RUFY3: variants seen among roughly 807,000 people sequenced by gnomAD.
The protein encoded by RUFY3 is RUN and FYVE domain containing 3.
RUFY3 carries 34 observed loss-of-function variants against 84.0 expected under a neutral mutation model. That is an observed-to-expected ratio of 0.40 (90% CI 0.31 to 0.54). The LOEUF (loss-of-function observed/expected upper bound fraction) is 0.54. RUFY3 is among the 20% of genes least tolerant of loss of function. RUFY3 has a pLI of 0.39. For synonymous variants in RUFY3, 242 were observed against 252.9 expected, an observed-to-expected ratio of 0.96 and a Z score of 0.41; for missense variants, 507 against 736.8, an observed-to-expected ratio of 0.69 and a Z score of 3.61.
chr4:70,721,959 A>G (rs1045017798), upstream of RUFY3: 14 of 1,232,110 alleles, frequency 1.1e-5, no homozygotes, highest in Non-Finnish European at 1.4e-5. Context: ...CTGAATTTTC[A>G]GTTCAGTTCA....
rs371428495 is a variant in RUFY3, at chr4:70,804,402, G to C, written c.1705G>C (p.Gly569Arg). The C allele has an allele frequency of 6.2e-7, 1 of 1,613,702 alleles. No individual in the cohort carries two copies. Among genetic ancestry groups the C allele is most frequent in the Non-Finnish European group, 8.5e-7 (1 of 1,179,890 alleles). ...GTTGTGTCAGCTATGCCAGGAAGAC[G>C]GCAGCCTAACAAAGGTAACTGTGAT... ...PQLCQLCQEDGSLTKNVCKNC... is the reference protein window; with the variant it reads ...PQLCQLCQEDRSLTKNVCKNC... The change falls in exon 17 of 18, where the codon GGC becomes CGC. Residue 569 changes from glycine to arginine, a missense_variant. Gly to Arg is a moderately radical substitution (Grantham distance 125). This residue lies in a region of RUFY3 where 334 missense variants were observed against 364.1 expected (regional missense o/e 0.92). Coordinates refer to ENST00000381006, the MANE Select transcript of RUFY3 (RefSeq NM_001037442.4).
chr4:70,712,776 G>T (rs1741128352), intron 1 of RUFY3, among the ~76,000 whole-genome samples: 1 of 152,162 alleles, frequency 6.6e-6, no homozygotes, highest in Non-Finnish European at 1.5e-5. Context: ...AAAATGGGCT[G>T]CCCCTTTATC....
chr4:70,753,103 A>G (rs879268762), intron 1 of RUFY3, among the ~76,000 whole-genome samples: 1 of 151,920 alleles, frequency 6.6e-6, no homozygotes, highest in South Asian at 2.1e-4. Context: ...CAGATTTCCT[A>G]TTTCTTCTTA....
rs116253133 is a variant in RUFY3, at chr4:70,788,608, T to A, written c.1072-198T>A. On this transcript the variant is annotated intron_variant, in intron 10 of 17. Transcript: ENST00000381006. ...TCAGATTTGTACATTATTGGGCAAA[T>A]GTTATTGTATATCCTAATTATTATT... 7.4e-3 allele frequency among the ~76,000 whole-genome samples: 1,134 copies of A among 152,318 alleles called. 15 individuals carry two copies. The highest frequency in any genetic ancestry group is 0.026 in the African/African-American group (1,076 of 41,570).
upstream of RUFY3, among the ~76,000 whole-genome samples, chr4:70,720,488 G>A (rs959947872): frequency 2.6e-5 from 4 of 152,216 alleles, no homozygotes; most frequent in South Asian, 2.1e-4. Context: ...CCAGCCATCC[G>A]CCCTGTCTTC....
chr4:70,759,147 AT>A (rs1408928923), intron 1 of RUFY3, among the ~76,000 whole-genome samples: 1 of 151,990 alleles, frequency 6.6e-6, no homozygotes, highest in African/African-American at 2.4e-5. Flanking sequence ...ACCTCTCCCT[AT>A]CTTCCCCTCC....
chr4:70,717,303 CAG>C (rs1741734905), upstream of RUFY3, among the ~76,000 whole-genome samples: 1 of 152,086 alleles, frequency 6.6e-6, no homozygotes, highest in South Asian at 2.1e-4. Context: ...GGAGGGAACT[CAG>C]AGACAGAGTG....
At chr4:70,784,094 T>G (rs1325746416) in intron 9 of RUFY3, among the ~76,000 whole-genome samples, 1 of 152,242 alleles carries the variant, frequency 6.6e-6, no homozygotes, top group African/African-American at 2.4e-5. Flanking sequence ...AGAATAATTT[T>G]TTTATGACCT....
At position 70,789,091 on chromosome 4, in the gene RUFY3, T is replaced by C. The variant is rs1730385258; in HGVS notation, c.1239+118T>C. The stretch of plus-strand genomic sequence containing the variant: ...CAAGAGGAAAGAATCACATCTCATT[T>C]TGATGCTAGCTGCCAGTAAACTACT... On this transcript the variant is annotated intron_variant, in intron 11 of 17. Coordinates refer to ENST00000381006, the MANE Select transcript of RUFY3 (RefSeq NM_001037442.4). The C allele has an allele frequency of 3.5e-6, 5 of 1,447,408 alleles. No individual in the cohort carries two copies. In the South Asian group the frequency reaches 7.4e-5, roughly 21 times the overall value. The allele number at this position is 1,447,408 out of a possible 1,614,324, so 89.7% of individuals were successfully genotyped here.
intron 1 of RUFY3, among the ~76,000 whole-genome samples, chr4:70,711,577 G>A (rs61184934): frequency 0.085 from 12,923 of 152,236 alleles, 1,294 homozygotes; most frequent in East Asian, 0.22. Context: ...TAAGAAGGCA[G>A]AGAGCCATTT....
intron 4 of RUFY3, among the ~76,000 whole-genome samples, chr4:70,767,764 C>T (rs1043403964): frequency 4.6e-5 from 7 of 152,026 alleles, no homozygotes; most frequent in South Asian, 2.1e-4. Context: ...CTGCAACCTC[C>T]GCCTCCTGTG....
In RUFY3 at chr4:70,722,247, A is replaced by G; in HGVS notation, c.-327A>G. 1 of 1,232,444 alleles carries G rather than the reference A, an allele frequency of 8.1e-7. No individual in the cohort carries two copies. The highest frequency in any genetic ancestry group is 1.0e-6 in the Non-Finnish European group (1 of 988,906). The allele number at this position is 1,232,444 out of a possible 1,614,324, so 76.3% of individuals were successfully genotyped here. ...CAGCTGTGCGGGATTTAAAGCCTAT[A>G]GCTCAGCTGAAAAAAAAGGTGGGGG... On this transcript the variant is annotated 5_prime_UTR_variant, in exon 1 of 18. It adds an upstream start codon to the 5' untranslated region. Coordinates refer to ENST00000381006, the MANE Select transcript of RUFY3 (RefSeq NM_001037442.4).
chr4:70,709,048 A>G (rs1322887195), intron 1 of RUFY3, among the ~76,000 whole-genome samples: 2 of 152,174 alleles, frequency 1.3e-5, no homozygotes, highest in Non-Finnish European at 2.9e-5. Context: ...ATAGAGCGAG[A>G]TGCTGTTTCA....
chr4:70,805,710 T>C (rs1732765011), intron 17 of RUFY3, among the ~76,000 whole-genome samples: 1 of 152,218 alleles, frequency 6.6e-6, no homozygotes, highest in African/African-American at 2.4e-5. Flanking sequence ...CATGCAATAT[T>C]AGCTTCTGTA....
intron 12 of RUFY3, chr4:70,793,167 T>C: frequency 1.0e-6 from 1 of 986,006 alleles, no homozygotes; most frequent in Non-Finnish European, 1.2e-6. Flanking sequence ...CTTTGTCCAC[T>C]TAGTCACACA....
At chr4:70,791,329 A>G in intron 12 of RUFY3, 2 of 1,610,738 alleles carry the variant, frequency 1.2e-6, no homozygotes, top group South Asian at 2.2e-5. Context: ...CGCAAGTCCG[A>G]TATCACAACT....
intron 1 of RUFY3, among the ~76,000 whole-genome samples, chr4:70,733,295 A>G (rs948466090): frequency 1.3e-5 from 2 of 152,198 alleles, no homozygotes; most frequent in Non-Finnish European, 2.9e-5. Flanking sequence ...TTTGGAAAAT[A>G]TAAGTTTAGA....
chr4:70,793,559 C>T, intron 12 of RUFY3: 3 of 1,401,836 alleles, frequency 2.1e-6, no homozygotes, highest in Non-Finnish European at 2.8e-6. Flanking sequence ...GGAAAATCAG[C>T]TTTTCCTCTG....
intron 2 of RUFY3, among the ~76,000 whole-genome samples, chr4:70,763,112 C>T (rs1725306117): frequency 6.6e-6 from 1 of 151,992 alleles, no homozygotes; most frequent in South Asian, 2.1e-4. Context: ...TCTTGTTCAC[C>T]CTTGTTTCCT....
Sources: gnomAD v4.1 joint callset for allele counts (sites outside exome capture counted in the v4.1 genomes callset) on GRCh38, gnomAD v4.1.1 for gene constraint, gnomAD v4.1.1 regional missense constraint, MANE v1.5 for transcripts, NCBI Gene and HGNC (gene_info 2026-07-23, HGNC 2026-07-21) for gene names.